INSYN2A: variants seen among roughly 807,000 people sequenced by gnomAD.
INSYN2A encodes family with sequence similarity 196 member A.
Under a neutral mutation model 39.4 loss-of-function variants are expected in INSYN2A, and 17 were observed. The ratio of observed to expected loss-of-function variants is 0.43; its 90% CI spans 0.30 to 0.65. The LOEUF is 0.65. INSYN2A is among the 30% of genes least tolerant of loss of function. INSYN2A has a pLI of 0.14. For synonymous variants in INSYN2A, 255 were observed against 265.7 expected, an observed-to-expected ratio of 0.96 and a Z score of 0.39; for missense variants, 595 against 631.2, an observed-to-expected ratio of 0.94 and a Z score of 0.61.
chr10:127,180,151 A>G (rs995736288), intron 2 of INSYN2A, among the ~76,000 whole-genome samples: 5 of 152,176 alleles, frequency 3.3e-5, no homozygotes, highest in African/African-American at 1.2e-4. Flanking sequence ...AACAACTGAA[A>G]CTCATCTGAG....
At chr10:127,155,932 G>A (rs2053000727) in intron 4 of INSYN2A, among the ~76,000 whole-genome samples, 1 of 152,180 alleles carries the variant, frequency 6.6e-6, no homozygotes, top group Non-Finnish European at 1.5e-5. Context: ...ATGAGGTACT[G>A]CTCTACTATT....
At chr10:127,187,310 T>G (rs2056363588) in intron 2 of INSYN2A, among the ~76,000 whole-genome samples, 1 of 152,200 alleles carries the variant, frequency 6.6e-6, no homozygotes, top group South Asian at 2.1e-4. Context: ...AGCAAAAGCC[T>G]GTGTAGTTCA....
intron 4 of INSYN2A, among the ~76,000 whole-genome samples, chr10:127,168,581 T>A (rs1329286904): frequency 1.3e-5 from 2 of 152,186 alleles, no homozygotes; most frequent in African/African-American, 4.8e-5. Flanking sequence ...ACCCACCTCC[T>A]CTCCTCAAAA....
chr10:127,145,702 G>C (rs911450902), intron 5 of INSYN2A, among the ~76,000 whole-genome samples: 1 of 152,158 alleles, frequency 6.6e-6, no homozygotes, highest in Non-Finnish European at 1.5e-5. Flanking sequence ...TTGGTGTGAA[G>C]GCTACAAAGC....
Position 127,175,829 on chromosome 10 carries a change from C to A in INSYN2A, c.567G>T (p.Gly189=). The part of the protein sequence containing the change: ...QHMNTVDQPL[G]VNCTEPCKSP... ...TTTTACAGGGCTCTGTGCAGTTGAC[C>A]CCCAAAGGCTGGTCCACTGTGTTCA... Residue 189 remains glycine (G), a synonymous_variant, in exon 4 of 6, where the codon GGG becomes GGT. Coordinates refer to ENST00000522781, the MANE Select transcript of INSYN2A (RefSeq NM_001039762.3). This position sits in a 1 kb window ranked among gnomAD's most constrained non-coding sequence, Gnocchi z 6.3. 3 of 1,614,100 alleles carry A rather than the reference C, an allele frequency of 1.9e-6. No individual in the cohort carries two copies. Among genetic ancestry groups the A allele is most frequent in the Non-Finnish European group, 2.5e-6 (3 of 1,180,024 alleles).
At chr10:127,180,352 C>T (rs559164252) in intron 2 of INSYN2A, among the ~76,000 whole-genome samples, 1 of 152,254 alleles carries the variant, frequency 6.6e-6, no homozygotes, top group South Asian at 2.1e-4. Flanking sequence ...GAACCATGGA[C>T]TCTGGTTTGG....
chr10:127,178,181 G>C (rs1043310794), intron 2 of INSYN2A, among the ~76,000 whole-genome samples: 1 of 152,184 alleles, frequency 6.6e-6, no homozygotes, highest in Non-Finnish European at 1.5e-5. Flanking sequence ...AGGCCAGCCT[G>C]GTCTTGTCAC....
rs200225427 is a variant in INSYN2A, at chr10:127,190,447, TTA to T, written c.-269+2156_-269+2157del. ...AGCAAAATCACTGGCTAGGTTTGTG[TTA>T]GTAGCCTCATTAAATATTTATTAAG... On this transcript the variant is annotated intron_variant, in intron 2 of 5. Coordinates refer to ENST00000522781, the MANE Select transcript of INSYN2A (RefSeq NM_001039762.3). Among the ~76,000 whole-genome samples the T allele has an allele frequency of 6.2e-3, 942 of 152,282 alleles. 9 individuals carry two copies. The highest frequency in any genetic ancestry group is 0.024 in the Middle Eastern group (7 of 294).
At chr10:127,158,171 A>G (rs938231800) in intron 4 of INSYN2A, among the ~76,000 whole-genome samples, 3 of 152,258 alleles carry the variant, frequency 2.0e-5, no homozygotes, top group African/African-American at 7.2e-5. Flanking sequence ...GACAGGGAAC[A>G]CAGAGTGCTG....
chr10:127,149,884 G>A (rs377393202), intron 5 of INSYN2A, among the ~76,000 whole-genome samples: 3 of 152,304 alleles, frequency 2.0e-5, no homozygotes, highest in South Asian at 2.1e-4. Context: ...TAATGGTGGT[G>A]TAGGGACTCA....
At chr10:127,184,083 T>A (rs2055990350) in intron 2 of INSYN2A, among the ~76,000 whole-genome samples, 1 of 152,146 alleles carries the variant, frequency 6.6e-6, no homozygotes, top group African/African-American at 2.4e-5. Context: ...TGGGAAGCAG[T>A]CTGACATGAT....
rs2050604948 is a variant in INSYN2A, at chr10:127,135,441, T to G, written c.*2396A>C. On this transcript the variant is annotated 3_prime_UTR_variant, in exon 6 of 6. Coordinates refer to ENST00000522781, the MANE Select transcript of INSYN2A (RefSeq NM_001039762.3). ...ATAGCCACATAAAACATCTTTGATT[T>G]TTTTATTTAAAAATTAATAAAGAAC... The G allele has an allele frequency of 1.3e-5, 2 of 152,682 alleles. No individual in the cohort carries two copies. Among genetic ancestry groups the G allele is most frequent in the Non-Finnish European group, 2.9e-5 (2 of 68,054 alleles). 9.5% of individuals were successfully genotyped at this position (152,682 alleles called of 1,614,324 possible). A position where few individuals can be genotyped will look rare whatever the true frequency, so the allele number is the denominator to read the frequency against.
chr10:127,140,450 C>T (rs2051120645), intron 5 of INSYN2A, among the ~76,000 whole-genome samples: 1 of 152,212 alleles, frequency 6.6e-6, no homozygotes, highest in African/African-American at 2.4e-5. Flanking sequence ...GGTCCGCCCC[C>T]CAGCCCATCT....
chr10:127,195,849 G>C (rs2057093313), intron 1 of INSYN2A, 148 bp downstream of exon 1: 1 of 152,256 alleles, frequency 6.6e-6, no homozygotes, highest in Non-Finnish European at 1.5e-5. Flanking sequence ...TCCCGGCCCC[G>C]GGAGCCGCCG....
chr10:127,155,574 C>T (rs2052962202), intron 4 of INSYN2A, among the ~76,000 whole-genome samples: 2 of 152,104 alleles, frequency 1.3e-5, no homozygotes, highest in African/African-American at 4.8e-5. Context: ...TGCCTTATCC[C>T]CTCCCCTTGT....
chr10:127,144,783 C>T (rs1254171207), intron 5 of INSYN2A, among the ~76,000 whole-genome samples: 2 of 152,108 alleles, frequency 1.3e-5, no homozygotes, highest in Non-Finnish European at 2.9e-5. Flanking sequence ...ACTTTGTATC[C>T]TTCCTTTACC....
chr10:127,183,984 C>G (rs956297957), intron 2 of INSYN2A, among the ~76,000 whole-genome samples: 14 of 152,092 alleles, frequency 9.2e-5, no homozygotes, highest in African/African-American at 3.4e-4. Context: ...AAAGTTTCAT[C>G]TAATGTCTTC....
intron 2 of INSYN2A, among the ~76,000 whole-genome samples, chr10:127,188,826 C>A (rs2056507644): frequency 1.3e-5 from 2 of 152,226 alleles, no homozygotes; most frequent in South Asian, 2.1e-4. Flanking sequence ...TCTCCAAACA[C>A]CCTCTGAAGG....
chr10:127,179,813 T>C (rs1366781797), intron 2 of INSYN2A, among the ~76,000 whole-genome samples: 1 of 152,224 alleles, frequency 6.6e-6, no homozygotes, highest in East Asian at 1.9e-4. Flanking sequence ...TACGTTACAG[T>C]GTAGCATTAA....
Sources: gnomAD v4.1 joint callset for allele counts (sites outside exome capture counted in the v4.1 genomes callset) on GRCh38, gnomAD v4.1.1 for gene constraint, Gnocchi (gnomAD v3.1) non-coding constraint, MANE v1.5 for transcripts, NCBI Gene and HGNC (gene_info 2026-07-23, HGNC 2026-07-21) for gene names.